Variants in CNOT6L observed in about 807,000 individuals in gnomAD.
CNOT6L encodes the protein CCR4-NOT transcription complex subunit 6 like, also known as CCR4-NOT transcription complex subunit 6-like.
In CNOT6L, 7 loss-of-function variants were observed where a neutral mutation model predicts 64.0. The ratio of observed to expected loss-of-function variants is 0.11; its 90% CI spans 0.06 to 0.21. The LOEUF is 0.21. Among genes scored for constraint, CNOT6L ranks in the 10% least tolerant of loss-of-function variants. The probability of loss-of-function intolerance (pLI) is 1.00; values close to 1 mark genes in which losing one functional copy is unlikely to be tolerated. For synonymous variants in CNOT6L, 193 were observed against 243.4 expected, an observed-to-expected ratio of 0.79 and a Z score of 1.93; for missense variants, 245 against 669.0, an observed-to-expected ratio of 0.37 and a Z score of 6.99.
chr4:77,797,164 T>G (rs1048399221), intron 1 of CNOT6L, among the ~76,000 whole-genome samples: 3 of 142,660 alleles, frequency 2.1e-5, no homozygotes, highest in Admixed American at 1.4e-4. Context: ...AATCTCTAAC[T>G]AATAGTGGTA....
chr4:77,779,699 G>T (rs1456668208), intron 1 of CNOT6L, among the ~76,000 whole-genome samples: 1 of 152,124 alleles, frequency 6.6e-6, no homozygotes, highest in Admixed American at 6.6e-5. Context: ...AGTGGCTCAC[G>T]CCTTGTAATC....
At chr4:77,738,762 A>T (rs1271632640) in intron 8 of CNOT6L, among the ~76,000 whole-genome samples, 1 of 151,888 alleles carries the variant, frequency 6.6e-6, no homozygotes, top group Non-Finnish European at 1.5e-5. Flanking sequence ...TCAAAAAAAA[A>T]AAAAAAAAAT....
Position 77,797,238 on chromosome 4 carries a change from A to C in CNOT6L, c.6-20846T>G, listed in dbSNP as rs116182655. Reference sequence around the variant, plus strand: ...AAACTTTACCTCATACTATATAAAAAAAAAACAAAAACACAGTAGCCCCCC... The same window carrying C: ...AAACTTTACCTCATACTATATAAAACAAAAACAAAAACACAGTAGCCCCCC... On this transcript the variant is annotated intron_variant, in intron 1 of 11. Transcript: ENST00000504123. Among the ~76,000 whole-genome samples the C allele has an allele frequency of 2.3e-3, 356 of 152,138 alleles. 4 individuals are homozygous for C. Among genetic ancestry groups the C allele is most frequent in the African/African-American group, 8.1e-3 (336 of 41,536 alleles).
chr4:77,754,888 T>TAAAAAAAAA, intron 5 of CNOT6L, among the ~76,000 whole-genome samples: 1,089 of 36,846 alleles, frequency 0.03, 263 homozygotes, highest in East Asian at 0.085. Flanking sequence ...ACATTAGAAG[T>TAAAAAAAAA]AAAAAAAAAA....
chr4:77,798,703 G>A (rs1341869417), intron 1 of CNOT6L, among the ~76,000 whole-genome samples: 2 of 152,116 alleles, frequency 1.3e-5, no homozygotes. Context: ...AAGGTAAACA[G>A]GCCAGGCACG....
chr4:77,770,440 T>C (rs542316477), intron 4 of CNOT6L, among the ~76,000 whole-genome samples: 4 of 152,262 alleles, frequency 2.6e-5, no homozygotes, highest in Admixed American at 1.3e-4. Context: ...AAAACTACCA[T>C]TCATTAGCAA....
intron 4 of CNOT6L, among the ~76,000 whole-genome samples, chr4:77,761,045 G>A (rs1471994345): frequency 2.0e-5 from 3 of 151,634 alleles, no homozygotes; most frequent in African/African-American, 7.3e-5. Flanking sequence ...AAAACTATAT[G>A]TGTGTAAATT....
intron 2 of CNOT6L, among the ~76,000 whole-genome samples, chr4:77,775,360 T>C (rs1171764193): frequency 6.6e-6 from 1 of 152,216 alleles, no homozygotes; most frequent in Non-Finnish European, 1.5e-5. Context: ...AATGGCATTT[T>C]ATATATAATC....
intron 1 of CNOT6L, among the ~76,000 whole-genome samples, chr4:77,781,394 T>G (rs1011354237): frequency 2.0e-5 from 3 of 151,868 alleles, no homozygotes; most frequent in Non-Finnish European, 2.9e-5. Context: ...TTTTAGGGGG[T>G]TTTTGTATTT....
intron 7 of CNOT6L, among the ~76,000 whole-genome samples, chr4:77,743,255 T>C (rs560422962): frequency 6.6e-5 from 10 of 152,254 alleles, no homozygotes; most frequent in African/African-American, 2.4e-4. Context: ...TATTATAGCA[T>C]TGCTTTTATA....
chr4:77,738,615 T>C (rs1723231765), intron 8 of CNOT6L, among the ~76,000 whole-genome samples: 1 of 151,980 alleles, frequency 6.6e-6, no homozygotes, highest in East Asian at 1.9e-4. Context: ...TAGTCAGGCA[T>C]GGTGGCGCAT....
At chr4:77,765,543 T>A (rs1726733474) in intron 4 of CNOT6L, among the ~76,000 whole-genome samples, 1 of 152,228 alleles carries the variant, frequency 6.6e-6, no homozygotes. Context: ...GAGAACTGAA[T>A]AATACAGAAT....
At chr4:77,755,272 G>A (rs1013609379) in intron 5 of CNOT6L, among the ~76,000 whole-genome samples, 27 of 115,460 alleles carry the variant, frequency 2.3e-4, no homozygotes, top group Admixed American at 6.5e-4. Context: ...ACGGAGTCTC[G>A]CTCTGTCGCC....
At chr4:77,733,837 G>C (rs1722683589) in intron 8 of CNOT6L, among the ~76,000 whole-genome samples, 1 of 151,918 alleles carries the variant, frequency 6.6e-6, no homozygotes, top group Non-Finnish European at 1.5e-5. Flanking sequence ...TCTGACAATA[G>C]ATGTCAATGC....
intron 8 of CNOT6L, among the ~76,000 whole-genome samples, chr4:77,741,266 T>C (rs1202499422): frequency 6.6e-6 from 1 of 152,196 alleles, no homozygotes; most frequent in African/African-American, 2.4e-5. Context: ...TTCAAATTCA[T>C]TGAATTTGTT....
At chr4:77,783,488 G>C (rs1363727481) in intron 1 of CNOT6L, among the ~76,000 whole-genome samples, 4 of 152,084 alleles carry the variant, frequency 2.6e-5, no homozygotes, top group African/African-American at 9.7e-5. Context: ...TCCCTCATCA[G>C]GTAGTTGCAT....
At chr4:77,804,378 G>A (rs777482020) in intron 1 of CNOT6L, among the ~76,000 whole-genome samples, 8 of 151,632 alleles carry the variant, frequency 5.3e-5, no homozygotes, top group East Asian at 3.9e-4. Flanking sequence ...GTGGTGAACC[G>A]GTATCGTGCC....
intron 1 of CNOT6L, among the ~76,000 whole-genome samples, chr4:77,803,185 C>G (rs576698151): frequency 4.7e-5 from 7 of 150,410 alleles, no homozygotes; most frequent in Non-Finnish European, 8.9e-5. Flanking sequence ...CATGATCAGG[C>G]AAATCACAAA....
chr4:77,817,901 T>A (rs1391222218), intron 1 of CNOT6L, among the ~76,000 whole-genome samples: 1 of 152,242 alleles, frequency 6.6e-6, no homozygotes, highest in Admixed American at 6.5e-5. Flanking sequence ...CATACAAATG[T>A]AATGAGGTTG....
Sources: gnomAD v4.1 joint callset for allele counts (sites outside exome capture counted in the v4.1 genomes callset) on GRCh38, gnomAD v4.1.1 for gene constraint, MANE v1.5 for transcripts, NCBI Gene and HGNC (gene_info 2026-07-23, HGNC 2026-07-21) for gene names.